HNF4A: variants seen among roughly 807,000 people sequenced by gnomAD.
HNF4A encodes hepatocyte nuclear factor 4 alpha.
A neutral mutation model predicts 52.4 loss-of-function variants in HNF4A; 15 were observed. The observed-to-expected ratio is 0.29, with a 90% CI of 0.19 to 0.44. The LOEUF (loss-of-function observed/expected upper bound fraction) is 0.44. Ranked by LOEUF, HNF4A falls within the 20% of genes least tolerant of loss-of-function variation. The probability of loss-of-function intolerance (pLI) is 1.00; values close to 1 mark genes in which losing one functional copy is unlikely to be tolerated. For missense variants in HNF4A, 479 were observed against 647.2 expected, an observed-to-expected ratio of 0.74 and a Z score of 2.82; for synonymous variants, 280 against 264.4, an observed-to-expected ratio of 1.06 and a Z score of -0.57.
chr20:44,380,845 A>G (rs1000681367), intron 1 of HNF4A, among the ~76,000 whole-genome samples: 5 of 152,212 alleles, frequency 3.3e-5, no homozygotes, highest in Admixed American at 6.5e-5. Flanking sequence ...ACCAAATCTA[A>G]TATCATGAAG....
chr20:44,421,521 A>T (rs1600737469), intron 7 of HNF4A, among the ~76,000 whole-genome samples: 1 of 152,104 alleles, frequency 6.6e-6, no homozygotes, highest in African/African-American at 2.4e-5. Flanking sequence ...TGGGAGACTG[A>T]GGCAGGCAGA....
intron 1 of HNF4A, chr20:44,401,512 G>C: frequency 6.2e-7 from 1 of 1,613,890 alleles, no homozygotes; most frequent in South Asian, 1.1e-5. Flanking sequence ...ATGTGCCCAG[G>C]TGTGCCAGTG....
At chr20:44,386,478 T>G (rs2146277789) in intron 1 of HNF4A, among the ~76,000 whole-genome samples, 1 of 152,310 alleles carries the variant, frequency 6.6e-6, no homozygotes, top group East Asian at 1.9e-4. Flanking sequence ...CCATCTGAAT[T>G]TTTAATAATG....
intron 1 of HNF4A, among the ~76,000 whole-genome samples, chr20:44,387,841 G>T (rs867857190): frequency 1.8e-4 from 28 of 152,246 alleles, no homozygotes; most frequent in Middle Eastern, 3.4e-3. Context: ...AGGGTGGCAA[G>T]AACTGGATTT....
chr20:44,427,813 C>T (rs1221701880), intron 8 of HNF4A, among the ~76,000 whole-genome samples: 1 of 152,148 alleles, frequency 6.6e-6, no homozygotes, highest in Non-Finnish European at 1.5e-5. Context: ...GGCTTATGGA[C>T]ATGGAACAGG....
Position 44,407,422 on chromosome 20 carries a change from A to G in HNF4A, c.332A>G (p.Gln111Arg). ...GTGGTGGACAAAGACAAGAGGAACCAGTGCCGCTACTGCAGGCTCAAGAAA... is the reference window on the plus strand; with the variant it reads ...GTGGTGGACAAAGACAAGAGGAACCGGTGCCGCTACTGCAGGCTCAAGAAA... Residue 111 changes from glutamine to arginine, a missense_variant, in exon 3 of 10, where the codon CAG becomes CGG. Coordinates refer to ENST00000316099, the MANE Select transcript of HNF4A (RefSeq NM_000457.6). The G allele has an allele frequency of 6.2e-7, 1 of 1,611,600 alleles. No homozygotes were observed. Among genetic ancestry groups the G allele is most frequent in the Non-Finnish European group, 8.5e-7 (1 of 1,178,800 alleles).
intron 4 of HNF4A, 75 bp from the exon 5 acceptor site, chr20:44,414,432 G>A: frequency 2.5e-6 from 4 of 1,599,726 alleles, no homozygotes; most frequent in Non-Finnish European, 3.4e-6. Flanking sequence ...TCCAGGGAGG[G>A]GGCTCTGTGC....
chr20:44,399,699 CACTT>C (rs2063385038), upstream of HNF4A, among the ~76,000 whole-genome samples: 1 of 152,184 alleles, frequency 6.6e-6, no homozygotes, highest in Non-Finnish European at 1.5e-5. Flanking sequence ...CCCATTTGCT[CACTT>C]ACTCAGTAAT....
At chr20:44,376,626 C>A (rs982162546) in intron 1 of HNF4A, among the ~76,000 whole-genome samples, 3 of 152,024 alleles carry the variant, frequency 2.0e-5, no homozygotes, top group African/African-American at 7.3e-5. Flanking sequence ...CCTTGTCTTC[C>A]TGATCCCATC....
chr20:44,419,907 ACT>A, intron 7 of HNF4A, 31 bp downstream of exon 7: 1 of 1,610,350 alleles, frequency 6.2e-7, no homozygotes, highest in South Asian at 1.1e-5. Context: ...GCCATCCCTG[ACT>A]CTCTCTCCAG....
rs774781031 is a variant in HNF4A, at chr20:44,406,167, G to A, written c.225G>A (p.Ser75=). The change falls in exon 2 of 10, where the codon TCG becomes TCA. Residue 75 remains serine (S), a synonymous_variant. Transcript: ENST00000316099. ...CCACGGGCAAACACTACGGTGCCTC[G>A]AGCTGTGACGGCTGCAAGGGCTTCT... 6 of 1,613,840 alleles carry A rather than the reference G, an allele frequency of 3.7e-6. No individual in the cohort carries two copies. In the African/African-American group the frequency reaches 4.0e-5, roughly 11 times the overall value.
At chr20:44,378,014 T>C (rs1298482531) in intron 1 of HNF4A, 7 of 152,206 alleles carry the variant, frequency 4.6e-5, no homozygotes, top group African/African-American at 1.4e-4. Flanking sequence ...CTTCCAACAA[T>C]AGTTACAGAG....
chr20:44,408,204 C>T (rs746063392), intron 3 of HNF4A: 1 of 156,438 alleles, frequency 6.4e-6, no homozygotes, highest in African/African-American at 2.4e-5. Flanking sequence ...GCCCATTGAA[C>T]CTATTACAAT....
At chr20:44,421,689 G>A (rs1239147203) in intron 7 of HNF4A, among the ~76,000 whole-genome samples, 1 of 151,288 alleles carries the variant, frequency 6.6e-6, no homozygotes, top group Non-Finnish European at 1.5e-5. Flanking sequence ...GGGAGGCGGG[G>A]GTTGCAGTGA....
chr20:44,388,939 A>C (rs1421979399), intron 1 of HNF4A, among the ~76,000 whole-genome samples: 1 of 152,156 alleles, frequency 6.6e-6, no homozygotes, highest in East Asian at 1.9e-4. Flanking sequence ...GGCTGACCCG[A>C]GGGGTGGGGC....
At chr20:44,378,187 A>G (rs140367711) in intron 1 of HNF4A, among the ~76,000 whole-genome samples, 25 of 151,684 alleles carry the variant, frequency 1.6e-4, no homozygotes, top group African/African-American at 5.6e-4. Context: ...GTATCCTTTG[A>G]CCATTTATCT....
intron 5 of HNF4A, 116 bp from the exon 6 acceptor site, chr20:44,418,309 T>G: frequency 1.2e-6 from 1 of 815,858 alleles, no homozygotes; most frequent in Non-Finnish European, 2.2e-6. Flanking sequence ...ATTTCACAGT[T>G]CAGGCAGGTA....
At chr20:44,383,931 A>T (rs553887724) in intron 1 of HNF4A, among the ~76,000 whole-genome samples, 1 of 150,992 alleles carries the variant, frequency 6.6e-6, no homozygotes, top group Non-Finnish European at 1.5e-5. Flanking sequence ...GCTCACTGCA[A>T]CCTCCGCCTC....
intron 1 of HNF4A, among the ~76,000 whole-genome samples, chr20:44,386,678 C>G (rs1413554165): frequency 6.6e-6 from 1 of 152,132 alleles, no homozygotes; most frequent in African/African-American, 2.4e-5. Flanking sequence ...GTGCTGCTGA[C>G]ATCTAGTGGC....
Sources: allele counts gnomAD v4.1 joint callset (sites outside exome capture counted in the v4.1 genomes callset), GRCh38; gene constraint gnomAD v4.1.1; transcripts MANE v1.5; gene names NCBI Gene and HGNC (gene_info 2026-07-23, HGNC 2026-07-21).